Variants in USP13 observed in about 807,000 individuals in gnomAD.
USP13 encodes ubiquitin specific peptidase 13.
In USP13, 68 loss-of-function variants were observed where a neutral mutation model predicts 107.8. That is an observed-to-expected ratio of 0.63 (90% CI 0.52 to 0.77). The LOEUF (loss-of-function observed/expected upper bound fraction) is 0.77, where lower values mean the gene tolerates loss of function less well. Ranked by LOEUF, USP13 falls within the 30% of genes least tolerant of loss-of-function variation. The pLI, the probability that USP13 is intolerant of heterozygous loss-of-function variation, is 0.00. For missense variants in USP13, 945 were observed against 1,093.3 expected (o/e 0.86, Z 1.91); for synonymous variants, 377 against 389.5 (o/e 0.97, Z 0.38).
intron 4 of USP13, among the ~76,000 whole-genome samples, chr3:179,704,576 A>G (rs1245817647): frequency 6.6e-6 from 1 of 152,162 alleles, no homozygotes; most frequent in Non-Finnish European, 1.5e-5. Context: ...ACTCACAGTC[A>G]GGAACAAGGA....
At chr3:179,691,405 G>C (rs926063679) in intron 3 of USP13, among the ~76,000 whole-genome samples, 1 of 152,050 alleles carries the variant, frequency 6.6e-6, no homozygotes, top group Non-Finnish European at 1.5e-5. Context: ...AAGAGTGCTG[G>C]TCAGTTATTT....
At chr3:179,719,629 T>C (rs1008529603) in intron 6 of USP13, among the ~76,000 whole-genome samples, 8 of 152,180 alleles carry the variant, frequency 5.3e-5, no homozygotes, top group Non-Finnish European at 7.3e-5. Context: ...GTTAGAAAAA[T>C]CAAGTGTTAG....
chr3:179,661,389 A>T (rs916447218), intron 1 of USP13, among the ~76,000 whole-genome samples: 1 of 152,228 alleles, frequency 6.6e-6, no homozygotes, highest in Non-Finnish European at 1.5e-5. Flanking sequence ...ATTAAAATTT[A>T]GAGAGTTTGA....
intron 1 of USP13, among the ~76,000 whole-genome samples, chr3:179,668,174 AT>A (rs777372898): frequency 6.6e-6 from 1 of 151,772 alleles, no homozygotes; most frequent in Non-Finnish European, 1.5e-5. Flanking sequence ...ATTTATTTAT[AT>A]TTTTTTTAGA....
Position 179,712,482 on chromosome 3 carries a change from G to A in USP13, c.805+3525G>A, listed in dbSNP as rs576996539. On this transcript the variant is annotated intron_variant, in intron 6 of 20. Transcript: ENST00000263966. ...GGTTAATCAGTTCATACACACACATGTACACACGCACACCCACCTCACATT... is the reference window on the plus strand; with the variant it reads ...GGTTAATCAGTTCATACACACACATATACACACGCACACCCACCTCACATT... Among the ~76,000 whole-genome samples the A allele has an allele frequency of 6.6e-5, 10 of 151,922 alleles. No individual in the cohort carries two copies. The South Asian group carries it at 2.1e-3, about 32-fold the overall frequency.
chr3:179,745,921 C>A (rs1714390153), intron 13 of USP13, among the ~76,000 whole-genome samples: 1 of 151,944 alleles, frequency 6.6e-6, no homozygotes, highest in Admixed American at 6.6e-5. Flanking sequence ...CCGTCTGCCA[C>A]CCTAGTTGAT....
chr3:179,774,894 T>A lies in USP13; in HGVS notation c.2414-6845T>A, dbSNP rs150860878. 9.0e-4 allele frequency among the ~76,000 whole-genome samples: 137 copies of A among 152,236 alleles called. 2 individuals carry two copies. Among genetic ancestry groups the A allele is most frequent in the African/African-American group, 3.2e-3 (133 of 41,524 alleles). Reference sequence around the variant, plus strand: ...TACAATCCCTGAGCTAGACACAGAGTGCTGATTGGTGTATTTACAATCCTC... The same window carrying A: ...TACAATCCCTGAGCTAGACACAGAGAGCTGATTGGTGTATTTACAATCCTC... On this transcript the variant is annotated intron_variant, in intron 19 of 20. Transcript: ENST00000263966.
In USP13 at chr3:179,740,295, A is replaced by C. The variant is rs770972925; in HGVS notation, c.1303A>C (p.Lys435Gln). ...SPRMFKAFVS[K>Q]SHPEFSSNRQ... ...GCGCATGTTTAAGGCCTTTGTAAGC[A>C]AGAGCCACCCGGAATTCTCCTCTAA... The change falls in exon 11 of 21, where the codon AAG becomes CAG. Residue 435 changes from lysine (K) to glutamine (Q), a missense_variant. Coordinates refer to ENST00000263966, the MANE Select transcript of USP13 (RefSeq NM_003940.3). 2 of 1,614,170 alleles carry C rather than the reference A, an allele frequency of 1.2e-6. No homozygotes were observed. The highest frequency in any genetic ancestry group is 2.2e-5 in the South Asian group (2 of 91,078).
At chr3:179,673,192 G>A (rs1720796798) in intron 1 of USP13, among the ~76,000 whole-genome samples, 1 of 152,150 alleles carries the variant, frequency 6.6e-6, no homozygotes, top group African/African-American at 2.4e-5. Flanking sequence ...CCATTGTTTA[G>A]TCGTGCCAGA....
At chr3:179,716,267 C>G (rs528732908) in intron 6 of USP13, among the ~76,000 whole-genome samples, 1 of 152,228 alleles carries the variant, frequency 6.6e-6, no homozygotes, top group South Asian at 2.1e-4. Context: ...ACATCCTTAC[C>G]TCTCTCTCCC....
intron 1 of USP13, among the ~76,000 whole-genome samples, chr3:179,658,221 T>A (rs1720343567): frequency 6.6e-6 from 1 of 152,204 alleles, no homozygotes; most frequent in Non-Finnish European, 1.5e-5. Context: ...CCCAAAGTGC[T>A]GTGATTACAG....
At position 179,664,141 on chromosome 3, in the gene USP13, T is replaced by G. The variant is rs1045854044; in HGVS notation, c.168+10748T>G. 2.6e-5 allele frequency among the ~76,000 whole-genome samples: 4 copies of G among 151,966 alleles called. No homozygotes were observed. The South Asian group carries it at 8.3e-4, about 32-fold the overall frequency. ...GATTTTCTGGGTGTGTTTTTTTTTT[T>G]TTGGAGTCTTGGTCTGTCGCTCAGG... On this transcript the variant is annotated intron_variant, in intron 1 of 20. Coordinates refer to ENST00000263966, the MANE Select transcript of USP13 (RefSeq NM_003940.3).
chr3:179,726,247 T>G (rs372515086), intron 8 of USP13, among the ~76,000 whole-genome samples: 2 of 152,034 alleles, frequency 1.3e-5, no homozygotes, highest in African/African-American at 2.4e-5. Context: ...CCTTGAGACA[T>G]GAGCAAGTCT....
chr3:179,780,142 C>T (rs1260969265), intron 19 of USP13, among the ~76,000 whole-genome samples: 1 of 152,222 alleles, frequency 6.6e-6, no homozygotes, highest in African/African-American at 2.4e-5. Flanking sequence ...ATGTGAAAGA[C>T]TCAATGCTTT....
At chr3:179,723,448 A>G (rs754973032) in intron 8 of USP13, among the ~76,000 whole-genome samples, 3 of 152,200 alleles carry the variant, frequency 2.0e-5, no homozygotes, top group Non-Finnish European at 2.9e-5. Flanking sequence ...GAAAATAATC[A>G]TAGTAACAAC....
chr3:179,653,760 C>T lies in USP13; in HGVS notation c.168+367C>T. On this transcript the variant is annotated intron_variant, in intron 1 of 20. Transcript: ENST00000263966. This position sits in a 1 kb window ranked among gnomAD's most constrained non-coding sequence, Gnocchi z 4.0. ...GCAGAGCGCAGGGCGGGTAGGTGGA[C>T]GGGATGATCCCCCCACACCCCGGGA... 5.1e-6 allele frequency: 1 copy of T among 198,010 alleles called. No individual in the cohort carries two copies. Among genetic ancestry groups the T allele is most frequent in the Non-Finnish European group, 1.0e-5 (1 of 97,224 alleles). The allele number at this position is 198,010 out of a possible 1,614,324, so 12.3% of individuals were successfully genotyped here.
intron 6 of USP13, among the ~76,000 whole-genome samples, chr3:179,718,139 C>T (rs899238986): frequency 6.6e-6 from 1 of 152,136 alleles, no homozygotes; most frequent in East Asian, 1.9e-4. Flanking sequence ...TTCCTTGTTA[C>T]AGATTTTGTT....
Position 179,721,473 on chromosome 3 carries a change from C to T in USP13, c.972C>T (p.Gly324=). ...AGTGGGAAGTGATCCAGGAGTCGGG[C>T]ACGAAACTGAAGCCAATGTATGGTC... ...VSEWEVIQES[G]TKLKPMYGPG... The change falls in exon 8 of 21, where the codon GGC becomes GGT. Residue 324 remains glycine, a synonymous_variant. Coordinates refer to ENST00000263966, the MANE Select transcript of USP13 (RefSeq NM_003940.3). This position sits in a 1 kb window ranked among gnomAD's most constrained non-coding sequence, Gnocchi z 4.3. 2 of 1,614,162 alleles carry T rather than the reference C, an allele frequency of 1.2e-6. No individual in the cohort carries two copies. The highest frequency in any genetic ancestry group is 1.7e-6 in the Non-Finnish European group (2 of 1,180,040).
intron 8 of USP13, among the ~76,000 whole-genome samples, chr3:179,726,772 G>A (rs1423291129): frequency 1.3e-5 from 2 of 151,932 alleles, no homozygotes. Flanking sequence ...TGACCTCCTG[G>A]GCTCAGGCAA....
Sources: gnomAD v4.1 joint callset for allele counts (sites outside exome capture counted in the v4.1 genomes callset) on GRCh38, gnomAD v4.1.1 for gene constraint, Gnocchi (gnomAD v3.1) non-coding constraint, MANE v1.5 for transcripts, NCBI Gene and HGNC (gene_info 2026-07-23, HGNC 2026-07-21) for gene names.